The following GAR1 variants were observed in gnomAD, a reference collection of about 807,000 sequenced individuals.
The protein encoded by GAR1 is H/ACA ribonucleoprotein complex subunit 1.
GAR1 carries 11 observed loss-of-function variants against 29.3 expected under a neutral mutation model. That is an observed-to-expected ratio of 0.38 (90% CI 0.24 to 0.62). The LOEUF (loss-of-function observed/expected upper bound fraction) is 0.62, where lower values mean the gene tolerates loss of function less well. Among genes scored for constraint, GAR1 ranks in the 20% least tolerant of loss-of-function variants. The pLI is 0.62. For missense variants in GAR1, 237 were observed against 268.4 expected (o/e 0.88, Z 0.82); for synonymous variants, 87 against 93.3 (o/e 0.93, Z 0.39).
intron 2 of GAR1, among the ~76,000 whole-genome samples, chr4:109,817,154 C>T (rs1280507286): frequency 6.6e-6 from 1 of 152,062 alleles, no homozygotes; most frequent in East Asian, 1.9e-4. Flanking sequence ...GCTGTTGTAC[C>T]AGTCCATACA....
intron 4 of GAR1, among the ~76,000 whole-genome samples, chr4:109,821,702 AAAT>A (rs1733516498): frequency 6.6e-6 from 1 of 152,210 alleles, no homozygotes; most frequent in African/African-American, 2.4e-5. Flanking sequence ...TGGAAATGTT[AAAT>A]AATCTATTTC....
intron 5 of GAR1, 171 bp downstream of exon 5, chr4:109,822,659 T>C: frequency 1.6e-6 from 1 of 625,152 alleles, no homozygotes. Context: ...TTTCAACAAC[T>C]TACTTAAAAA....
intron 4 of GAR1, chr4:109,819,293 A>T (rs1256412596): frequency 3.8e-6 from 2 of 521,206 alleles, no homozygotes; most frequent in Non-Finnish European, 6.7e-6. Flanking sequence ...AAAATCTGTA[A>T]ACTGCTAGAG....
intron 1 of GAR1, 121 bp downstream of exon 1, chr4:109,815,925 A>G (rs1315093686): frequency 5.2e-6 from 3 of 578,270 alleles, no homozygotes; most frequent in Non-Finnish European, 9.2e-6. Context: ...GGGAGGAGAT[A>G]CTAATCATGG....
rs543759249 is a variant in GAR1 at position 109,822,125 on chromosome 4, C to T, written c.430-222C>T. Among the ~76,000 whole-genome samples the T allele has an allele frequency of 6.9e-5, 9 of 131,382 alleles. No homozygotes were observed. In the East Asian group the frequency reaches 1.5e-3, roughly 22 times the overall value. The allele number at this position is 131,382 out of a possible 152,430, so 86.2% of individuals were successfully genotyped here. ...TGTGTACCTATGTAACAAACCTGCA[C>T]GTTCTGCACATGTATCCCAGAACTT... On this transcript the variant is annotated intron_variant, in intron 4 of 6. Coordinates refer to ENST00000226796, the MANE Select transcript of GAR1 (RefSeq NM_018983.4).
chr4:109,818,059 T>C lies in GAR1; in HGVS notation c.338T>C (p.Val113Ala). The part of the protein sequence containing the change: ...YLENKEQIGK[V>A]DEIFGQLRDF... ...GAAAACAAAGAACAAATTGGAAAAG[T>C]GGATGAAATATTTGGACAACTCAGA... The change falls in exon 3 of 7, where the codon GTG becomes GCG. Residue 113 changes from valine (V) to alanine (A), a missense_variant. By Grantham distance (64) the Val-to-Ala change is moderately conservative. Coordinates refer to ENST00000226796, the MANE Select transcript of GAR1 (RefSeq NM_018983.4). The C allele has an allele frequency of 6.2e-7, 1 of 1,606,244 alleles. No homozygotes were observed. Among genetic ancestry groups the C allele is most frequent in the Non-Finnish European group, 8.5e-7 (1 of 1,176,962 alleles).
Position 109,815,998 on chromosome 4 carries a change from C to T in GAR1, c.-12-155C>T. On this transcript the variant is annotated intron_variant, in intron 1 of 6. Coordinates refer to ENST00000226796, the MANE Select transcript of GAR1 (RefSeq NM_018983.4). ...AGACCATGGAGAAGTAAACTCTTCA[C>T]CCATCAGGTTGGTGGTCACTGGCTG... is the stretch of plus-strand genomic sequence containing the variant. 16 of 737,538 alleles carry T rather than the reference C, an allele frequency of 2.2e-5. 2 individuals carry two copies. Among genetic ancestry groups the T allele is most frequent in the South Asian group, 1.3e-4 (8 of 62,334 alleles). 45.7% of individuals were successfully genotyped at this position (737,538 alleles called of 1,614,324 possible).
At chr4:109,817,102 T>A (rs1344626916) in intron 2 of GAR1, among the ~76,000 whole-genome samples, 1 of 152,174 alleles carries the variant, frequency 6.6e-6, no homozygotes, top group Non-Finnish European at 1.5e-5. Context: ...GCAGGATGGT[T>A]TGAAAGGAGC....
In GAR1 at chr4:109,822,313, A is replaced by G. The variant is rs140453209; in HGVS notation, c.430-34A>G. On this transcript the variant is annotated intron_variant, in intron 4 of 6. Coordinates refer to ENST00000226796, the MANE Select transcript of GAR1 (RefSeq NM_018983.4). ...AATGATTATATTATACTGTCCCCCA[A>G]GTTGTATACTAATTGCTTCTATTAT... 1,554 of 1,271,632 alleles carry G rather than the reference A, an allele frequency of 1.2e-3. 21 individuals carry two copies. The East Asian group carries it at 0.035, about 29-fold the overall frequency. 78.8% of individuals were successfully genotyped at this position (1,271,632 alleles called of 1,614,324 possible).
chr4:109,821,187 A>G (rs1036179690), intron 4 of GAR1, among the ~76,000 whole-genome samples: 8 of 152,202 alleles, frequency 5.3e-5, no homozygotes, highest in African/African-American at 1.9e-4. Context: ...ATCCCTGCCC[A>G]GTAAAGTAGC....
chr4:109,815,852 C>T, intron 1 of GAR1, 48 bp downstream of exon 1: 1 of 362,794 alleles, frequency 2.8e-6, no homozygotes, highest in Non-Finnish European at 5.0e-6. Context: ...GGACGTGGAA[C>T]CCAACTGCCG....
intron 4 of GAR1, 102 bp downstream of exon 4, chr4:109,819,162 C>T: frequency 1.3e-6 from 1 of 762,896 alleles, no homozygotes; most frequent in Non-Finnish European, 2.4e-6. Flanking sequence ...CAACATATCA[C>T]TAGTAAAGCT....
chr4:109,822,155 T>TAAAAAAA (rs59097048), intron 4 of GAR1, among the ~76,000 whole-genome samples, 192 bp from the exon 5 acceptor site: 13 of 101,642 alleles, frequency 1.3e-4, no homozygotes, highest in East Asian at 5.4e-4. Context: ...GAACTTAAGG[T>TAAAAAAA]AAAAAAAAAA....
chr4:109,819,034 G>C lies in GAR1; in HGVS notation c.403G>C (p.Ala135Pro), dbSNP rs1273462839. ...AGTTAAGTTGTCAGAAAACATGAAG[G>C]CTTCATCCTTTAAAAAACTACAGAA... is the stretch of plus-strand genomic sequence containing the variant. ...FSVKLSENMK[A>P]SSFKKLQKFY... The change falls in exon 4 of 7, where the codon GCT (alanine) becomes CCT (proline). Residue 135 changes from alanine (A) to proline (P), a missense_variant. Transcript: ENST00000226796. 4 of 1,501,452 alleles carry C rather than the reference G, an allele frequency of 2.7e-6. No homozygotes were observed. The highest frequency in any genetic ancestry group is 3.7e-6 in the Non-Finnish European group (4 of 1,081,200). The allele number at this position is 1,501,452 out of a possible 1,614,324, so 93.0% of individuals were successfully genotyped here.
intron 4 of GAR1, 22 bp downstream of exon 4, chr4:109,819,082 TG>T: frequency 7.6e-7 from 1 of 1,311,848 alleles, no homozygotes; most frequent in Non-Finnish European, 1.1e-6. Flanking sequence ...TTATGATACT[TG>T]GGATCCTTGG....
chr4:109,817,958 C>T lies in GAR1; in HGVS notation c.237C>T (p.Pro79=). Residue 79 remains proline (P), a synonymous_variant, in exon 3 of 7, where the codon CCC becomes CCT. Coordinates refer to ENST00000226796, the MANE Select transcript of GAR1 (RefSeq NM_018983.4). ...RVVLLGEFLH[P]CEDDIVCKCT... ...CAGTATTAGGAGAGTTCCTGCATCC[C>T]TGTGAAGATGACATAGTTTGTAAAT... 6.2e-7 allele frequency: 1 copy of T among 1,609,366 alleles called. No homozygotes were observed. The highest frequency in any genetic ancestry group is 1.1e-5 in the South Asian group (1 of 90,018).
intron 2 of GAR1, among the ~76,000 whole-genome samples, chr4:109,817,412 A>G (rs1408993061): frequency 6.6e-6 from 1 of 152,172 alleles, no homozygotes; most frequent in African/African-American, 2.4e-5. Context: ...ATGTCCTTGA[A>G]AACAATGAAT....
chr4:109,823,547 G>A lies in GAR1; in HGVS notation c.572-418G>A, dbSNP rs1425748919. 2.6e-5 allele frequency among the ~76,000 whole-genome samples: 4 copies of A among 152,068 alleles called. No individual in the cohort carries two copies. In the South Asian group the frequency reaches 8.3e-4, roughly 32 times the overall value. On this transcript the variant is annotated intron_variant, in intron 5 of 6. Transcript: ENST00000226796. ...TCATATTTATTATCTTACCCCCAGA[G>A]CAAAAGCACCCATATCTGCCACCCT...
Position 109,818,096 on chromosome 4 carries a change from CT to C in GAR1, c.369+11del. The C allele has an allele frequency of 6.3e-7, 1 of 1,585,534 alleles. No homozygotes were observed. Among genetic ancestry groups the C allele is most frequent in the Non-Finnish European group, 8.6e-7 (1 of 1,167,330 alleles). On this transcript the variant is annotated splice_region_variant and intron_variant, in intron 3 of 6. Transcript: ENST00000226796. ...TTGGACAACTCAGAGATTTTGTATC[CT>C]TTTTCATTGGAAGGCCTGATAATAT...
Sources: allele counts gnomAD v4.1 joint callset (sites outside exome capture counted in the v4.1 genomes callset), GRCh38; gene constraint gnomAD v4.1.1; transcripts MANE v1.5; gene names NCBI Gene and HGNC (gene_info 2026-07-23, HGNC 2026-07-21).